RFX7: variants seen among roughly 807,000 people sequenced by gnomAD.
The protein encoded by RFX7 is regulatory factor X7.
RFX7 carries 26 observed loss-of-function variants against 111.8 expected under a neutral mutation model. The ratio of observed to expected loss-of-function variants is 0.23; its 90% CI spans 0.17 to 0.32. RFX7 has a LOEUF of 0.32. RFX7 is among the 10% of genes least tolerant of loss of function. The pLI, the probability that RFX7 is intolerant of heterozygous loss-of-function variation, is 1.00. For synonymous variants in RFX7, 624 were observed against 624.4 expected (o/e 1.00, Z 0.01); for missense variants, 1,573 against 1,772.9 (o/e 0.89, Z 2.02).
chr15:56,218,228 C>T (rs2043385751), intron 2 of RFX7, among the ~76,000 whole-genome samples: 1 of 128,116 alleles, frequency 7.8e-6, no homozygotes, highest in Non-Finnish European at 1.5e-5. Flanking sequence ...GTTCTCGGCT[C>T]ACTGCAACCT....
At chr15:56,190,784 C>T (rs1265308865) in intron 2 of RFX7, among the ~76,000 whole-genome samples, 1 of 152,032 alleles carries the variant, frequency 6.6e-6, no homozygotes, top group East Asian at 1.9e-4. Flanking sequence ...GGACAGACAA[C>T]TGGAAAAAAC....
intron 5 of RFX7, among the ~76,000 whole-genome samples, chr15:56,128,859 C>T (rs1236807014): frequency 6.6e-6 from 1 of 151,722 alleles, no homozygotes; most frequent in African/African-American, 2.4e-5. Flanking sequence ...AGCAAAATTG[C>T]AGGATACGAG....
chr15:56,215,897 G>C lies in RFX7; in HGVS notation c.161+27228C>G, dbSNP rs543097940. ...GCAGGAGCTGCATTATCATTTCCAA[G>C]ATGGATCACTCACACTGCAGGAGGC... On this transcript the variant is annotated intron_variant, in intron 2 of 9. Transcript: ENST00000559447. 3.9e-5 allele frequency among the ~76,000 whole-genome samples: 6 copies of C among 152,252 alleles called. No homozygotes were observed. The South Asian group carries it at 1.0e-3, about 26-fold the overall frequency.
At chr15:56,109,232 G>A (rs1260406714) in intron 5 of RFX7, among the ~76,000 whole-genome samples, 27 of 152,382 alleles carry the variant, frequency 1.8e-4, no homozygotes, top group African/African-American at 6.5e-4. Context: ...TTTTTGGGTG[G>A]AGACGGGGTT....
intron 5 of RFX7, among the ~76,000 whole-genome samples, chr15:56,124,423 G>GAA (rs1555419205): frequency 1.8e-4 from 19 of 104,486 alleles, no homozygotes; most frequent in Admixed American, 1.3e-3. Context: ...CTCAGTCTCC[G>GAA]AAAAAAAAAA....
intron 5 of RFX7, among the ~76,000 whole-genome samples, chr15:56,125,838 A>T (rs192978859): frequency 6.6e-6 from 1 of 152,324 alleles, no homozygotes; most frequent in East Asian, 1.9e-4. Flanking sequence ...ACTCAAATTT[A>T]TATACATATA....
At chr15:56,210,390 C>G (rs2043300978) in intron 2 of RFX7, among the ~76,000 whole-genome samples, 1 of 152,056 alleles carries the variant, frequency 6.6e-6, no homozygotes, top group Non-Finnish European at 1.5e-5. Context: ...CAATATCCCT[C>G]TATCTGAAAT....
rs879104950 is a variant in RFX7, at chr15:56,089,223, ATTT to A, written c.*4119_*4121del. ...GGAGTGCTTAATGGAAGATTCTGAG[ATTT>A]TTTTTTCTCTCTGATAAAAGGCTAA... On this transcript the variant is annotated 3_prime_UTR_variant, in exon 10 of 10. Coordinates refer to ENST00000559447, the MANE Select transcript of RFX7 (RefSeq NM_022841.7). 6.6e-6 allele frequency: 1 copy of A among 151,926 alleles called. No homozygotes were observed. The highest frequency in any genetic ancestry group is 1.5e-5 in the Non-Finnish European group (1 of 67,916). The allele number at this position is 151,926 out of a possible 1,614,324, so 9.4% of individuals were successfully genotyped here. A position where few individuals can be genotyped will look rare whatever the true frequency, so the allele number is the denominator to read the frequency against.
At chr15:56,154,095 AG>A (rs2042616291) in intron 3 of RFX7, among the ~76,000 whole-genome samples, 1 of 152,096 alleles carries the variant, frequency 6.6e-6, no homozygotes, top group Admixed American at 6.5e-5. Flanking sequence ...AAGGATTTCA[AG>A]GAGAACTACA....
At chr15:56,143,535 A>G (rs1048499107) in intron 4 of RFX7, among the ~76,000 whole-genome samples, 37 of 152,038 alleles carry the variant, frequency 2.4e-4, no homozygotes, top group African/African-American at 8.9e-4. Flanking sequence ...AAACACTGTA[A>G]ACTTTTACTA....
At chr15:56,155,147 GA>G (rs1391488811) in intron 3 of RFX7, among the ~76,000 whole-genome samples, 2 of 152,154 alleles carry the variant, frequency 1.3e-5, no homozygotes, top group African/African-American at 4.8e-5. Context: ...AGAGGTTGTG[GA>G]AAAATAAGAA....
At chr15:56,099,597 AAC>A (rs2041726725) in intron 8 of RFX7, among the ~76,000 whole-genome samples, 1 of 152,154 alleles carries the variant, frequency 6.6e-6, no homozygotes, top group African/African-American at 2.4e-5. Flanking sequence ...GGACATTTGT[AAC>A]ACAACCTGTT....
intron 2 of RFX7, among the ~76,000 whole-genome samples, chr15:56,186,404 T>C (rs1429565319): frequency 6.6e-6 from 1 of 152,196 alleles, no homozygotes; most frequent in African/African-American, 2.4e-5. Context: ...CGACCTTTCT[T>C]AAGTAAGCTC....
At chr15:56,215,288 T>C (rs570948178) in intron 2 of RFX7, among the ~76,000 whole-genome samples, 3 of 152,248 alleles carry the variant, frequency 2.0e-5, no homozygotes, top group Non-Finnish European at 4.4e-5. Context: ...TCAAATCCAG[T>C]TGGTTGAACC....
chr15:56,212,450 A>C (rs2043322576), intron 2 of RFX7, among the ~76,000 whole-genome samples: 1 of 152,138 alleles, frequency 6.6e-6, no homozygotes, highest in African/African-American at 2.4e-5. Flanking sequence ...TATATATCTG[A>C]CCAAACCCAT....
In RFX7 at chr15:56,092,627, G is replaced by A. The variant is rs1378946463; in HGVS notation, c.*718C>T. ...GCTTGTTTTGTGTGTGCGTGCCTGCGCATCTATGTGTGCTAGCTCCATATT... is the reference window on the plus strand; with the variant it reads ...GCTTGTTTTGTGTGTGCGTGCCTGCACATCTATGTGTGCTAGCTCCATATT... On this transcript the variant is annotated 3_prime_UTR_variant, in exon 10 of 10. Transcript: ENST00000559447. The A allele has an allele frequency of 3.9e-5, 6 of 152,546 alleles. No homozygotes were observed. Among genetic ancestry groups the A allele is most frequent in the South Asian group, 2.1e-4 (1 of 4,820 alleles). 9.4% of individuals were successfully genotyped at this position (152,546 alleles called of 1,614,324 possible).
At chr15:56,102,312 A>C in intron 6 of RFX7, 59 bp from the exon 7 acceptor site, 1 of 963,440 alleles carries the variant, frequency 1.0e-6, no homozygotes, top group Non-Finnish European at 1.6e-6. Context: ...TACAGACAGC[A>C]CTTTAAAAGT....
intron 2 of RFX7, among the ~76,000 whole-genome samples, chr15:56,201,985 C>G (rs183349187): frequency 2.0e-5 from 3 of 152,060 alleles, no homozygotes; most frequent in Non-Finnish European, 2.9e-5. Context: ...GAGCTGAGAT[C>G]GCGTCACTGC....
intron 2 of RFX7, among the ~76,000 whole-genome samples, chr15:56,227,491 G>A (rs2043497858): frequency 3.3e-5 from 5 of 152,002 alleles, no homozygotes; most frequent in Admixed American, 3.3e-4. Flanking sequence ...ATATTCTCAA[G>A]TCTCTTAGCA....
Sources: gnomAD v4.1 joint callset for allele counts (sites outside exome capture counted in the v4.1 genomes callset) on GRCh38, gnomAD v4.1.1 for gene constraint, MANE v1.5 for transcripts, NCBI Gene and HGNC (gene_info 2026-07-23, HGNC 2026-07-21) for gene names.